Variants in ERG observed in about 807,000 individuals in gnomAD.
ERG encodes transcriptional regulator ERG.
ERG carries 9 observed loss-of-function variants against 55.3 expected under a neutral mutation model. That is an observed-to-expected ratio of 0.16 (90% CI 0.10 to 0.28). The LOEUF is 0.28. Ranked by LOEUF, ERG falls within the 10% of genes least tolerant of loss-of-function variation. The pLI, the probability that ERG is intolerant of heterozygous loss-of-function variation, is 1.00. For synonymous variants in ERG, 223 were observed against 237.3 expected (o/e 0.94, Z 0.55); for missense variants, 434 against 631.6 (o/e 0.69, Z 3.35).
rs531835482 is a variant in ERG at position 38,567,150 on chromosome 21, G to A, written c.-41+8512C>T. Among the ~76,000 whole-genome samples the A allele has an allele frequency of 5.3e-5, 8 of 152,160 alleles. No individual in the cohort carries two copies. The South Asian group carries it at 6.2e-4, about 12-fold the overall frequency. ...CCCTGCTGCACACATGCTGAACACC[G>A]TTCCAAAGGCTACAGGAACTGAGCA... On this transcript the variant is annotated intron_variant, in intron 2 of 8. Coordinates refer to the ERG transcript ENST00000398897.
In ERG at chr21:38,535,359, G is replaced by C. The variant is rs182143092; in HGVS notation, c.-41+40303C>G. Among the ~76,000 whole-genome samples, 51 of 152,298 alleles carry C rather than the reference G, an allele frequency of 3.3e-4. No homozygotes were observed. The East Asian group carries it at 8.3e-3, about 25-fold the overall frequency. ...TCCAGAGATTTGCTGCACCAACAAT[G>C]TGAATATACTTAACACTACTGAACT... On this transcript the variant is annotated intron_variant, in intron 2 of 8. Transcript: ENST00000398897.
chr21:38,491,087 T>C (rs754246851), intron 1 of ERG, among the ~76,000 whole-genome samples: 3 of 151,954 alleles, frequency 2.0e-5, no homozygotes, highest in Non-Finnish European at 4.4e-5. Context: ...CTTGGAGCAA[T>C]GTCTTGGGAC....
chr21:38,661,448 G>T (rs1486448426), intron 1 of ERG, among the ~76,000 whole-genome samples: 2 of 152,180 alleles, frequency 1.3e-5, no homozygotes, highest in Non-Finnish European at 2.9e-5. Context: ...GGATACAGCC[G>T]CCGGGACGCG....
chr21:38,628,288 T>C (rs940771494), intron 1 of ERG, among the ~76,000 whole-genome samples: 1 of 152,098 alleles, frequency 6.6e-6, no homozygotes, highest in African/African-American at 2.4e-5. Flanking sequence ...TTTATAGTTG[T>C]TTTTCTACCC....
chr21:38,500,719 T>G (rs12626596), upstream of ERG, among the ~76,000 whole-genome samples: 5,625 of 152,282 alleles, frequency 0.037, 193 homozygotes, highest in East Asian at 0.2. Flanking sequence ...GACAAATTTA[T>G]TTATTGGATA....
At chr21:38,620,438 C>T (rs1013082802) in intron 1 of ERG, among the ~76,000 whole-genome samples, 4 of 152,136 alleles carry the variant, frequency 2.6e-5, no homozygotes, top group Admixed American at 6.5e-5. Context: ...GCAGCCAGCT[C>T]GTCTGCTTAG....
At chr21:38,423,310 T>C (rs2146501743) in intron 3 of ERG, 100 bp downstream of exon 3, 1 of 1,270,782 alleles carries the variant, frequency 7.9e-7, no homozygotes, top group Non-Finnish European at 1.1e-6. Context: ...AAAGGAGATG[T>C]GATCAATGCC....
chr21:38,641,036 T>C (rs1259839309), intron 1 of ERG, among the ~76,000 whole-genome samples: 1 of 152,300 alleles, frequency 6.6e-6, no homozygotes, highest in African/African-American at 2.4e-5. Flanking sequence ...CATACATAGA[T>C]AGGCAACCGT....
intron 1 of ERG, among the ~76,000 whole-genome samples, chr21:38,638,176 A>G (rs1184997813): frequency 6.6e-6 from 1 of 152,190 alleles, no homozygotes; most frequent in Non-Finnish European, 1.5e-5. Context: ...ACTTGTCCCC[A>G]TGGGACCTTG....
intron 1 of ERG, among the ~76,000 whole-genome samples, chr21:38,617,898 T>C (rs2060267854): frequency 1.3e-5 from 2 of 152,102 alleles, no homozygotes; most frequent in South Asian, 4.2e-4. Context: ...AGGCCTTTGT[T>C]TTCCCCCACA....
In ERG at chr21:38,608,673, T is replaced by G. The variant is rs148658479; in HGVS notation, c.-149-23728A>C. Among the ~76,000 whole-genome samples the G allele has an allele frequency of 2.5e-3, 376 of 152,224 alleles. 1 individual carries two copies. Among genetic ancestry groups the G allele is most frequent in the Middle Eastern group, 6.8e-3 (2 of 294 alleles). On this transcript the variant is annotated intron_variant, in intron 1 of 10. Transcript: ENST00000398910. The stretch of plus-strand genomic sequence containing the variant: ...TTTGGAGGTGTCTGGGACCCCACAT[T>G]CTGAATTGTCTGAAAGAAAAGTCAG...
At chr21:38,462,674 T>A (rs1317576316) in intron 1 of ERG, among the ~76,000 whole-genome samples, 2 of 152,144 alleles carry the variant, frequency 1.3e-5, no homozygotes, top group Admixed American at 1.3e-4. Context: ...TATGTTAAAT[T>A]TGGAATTTAT....
intron 2 of ERG, among the ~76,000 whole-genome samples, chr21:38,557,715 G>T (rs2059866870): frequency 3.3e-5 from 5 of 152,078 alleles, no homozygotes; most frequent in Admixed American, 2.6e-4. Context: ...CTAACCACAT[G>T]GGGAAAACCA....
rs574093229 is a variant in ERG, at chr21:38,491,503, C to T, written c.18+6860G>A. 2.6e-5 allele frequency among the ~76,000 whole-genome samples: 4 copies of T among 152,312 alleles called. No homozygotes were observed. The South Asian group carries it at 8.3e-4, about 32-fold the overall frequency. ...TAAAGTTATTATATTTTCAAAAATTCGACAAGCATTGTTTTTACCAAACGT... is the reference window on the plus strand; with the variant it reads ...TAAAGTTATTATATTTTCAAAAATTTGACAAGCATTGTTTTTACCAAACGT... On this transcript the variant is annotated intron_variant, in intron 1 of 9. Coordinates refer to ENST00000288319, the MANE Select transcript of ERG (RefSeq NM_182918.4).
intron 2 of ERG, among the ~76,000 whole-genome samples, chr21:38,543,771 C>T (rs1018838769): frequency 4.2e-5 from 6 of 144,372 alleles, no homozygotes; most frequent in Non-Finnish European, 7.5e-5. Flanking sequence ...AAGTCTCACT[C>T]TGTTGCCCAG....
At chr21:38,561,981 T>TA (rs780147682) in intron 2 of ERG, among the ~76,000 whole-genome samples, 3 of 152,280 alleles carry the variant, frequency 2.0e-5, no homozygotes, top group Non-Finnish European at 2.9e-5. Context: ...TTTAAAATAA[T>TA]AAAAAAACTT....
chr21:38,391,669 A>G lies in ERG; in HGVS notation c.861T>C (p.Arg287=), dbSNP rs981919179. The G allele has an allele frequency of 1.9e-6, 3 of 1,613,660 alleles. No individual in the cohort carries two copies. Among genetic ancestry groups the G allele is most frequent in the Non-Finnish European group, 8.5e-7 (1 of 1,179,878 alleles). Residue 287 remains arginine, a synonymous_variant, in exon 8 of 10, where the codon CGT becomes CGC. Transcript: ENST00000288319. ...GCCCCTGAAACATACCTAACTGAGG[A>G]CGCTGGTCTTCAGTTTTGGGCACTG... ...PSTVPKTEDQ[R]PQLDPYQILG... is the part of the protein sequence containing the mutation.
At chr21:38,463,965 C>T (rs534878690) in intron 1 of ERG, among the ~76,000 whole-genome samples, 25 of 152,256 alleles carry the variant, frequency 1.6e-4, no homozygotes, top group East Asian at 5.8e-4. Context: ...GAAGTCCTGT[C>T]GTCTAAGCAG....
chr21:38,402,993 C>T (rs1460461077), intron 4 of ERG, among the ~76,000 whole-genome samples: 1 of 152,226 alleles, frequency 6.6e-6, no homozygotes, highest in Non-Finnish European at 1.5e-5. Context: ...ATTCTGGATT[C>T]ATGCCAACAT....
Sources: allele counts gnomAD v4.1 joint callset (sites outside exome capture counted in the v4.1 genomes callset), GRCh38; gene constraint gnomAD v4.1.1; transcripts MANE v1.5; gene names NCBI Gene and HGNC (gene_info 2026-07-23, HGNC 2026-07-21).